The following SPECC1 variants were observed in gnomAD, a reference collection of about 807,000 sequenced individuals.
The protein encoded by SPECC1 is sperm antigen with calponin homology and coiled-coil domains 1.
SPECC1 carries 62 observed loss-of-function variants against 104.1 expected under a neutral mutation model. The ratio of observed to expected loss-of-function variants is 0.60; its 90% CI spans 0.49 to 0.74. The LOEUF is 0.74. Among genes scored for constraint, SPECC1 ranks in the 30% least tolerant of loss-of-function variants. The probability of loss-of-function intolerance (pLI) is 0.00; values close to 1 mark genes in which losing one functional copy is unlikely to be tolerated. For missense variants in SPECC1, 1,306 were observed against 1,310.5 expected (o/e 1.00, Z 0.05); for synonymous variants, 513 against 501.6 (o/e 1.02, Z -0.30).
intron 10 of SPECC1, among the ~76,000 whole-genome samples, chr17:20,255,223 G>T (rs1457039706): frequency 6.6e-6 from 1 of 152,158 alleles, no homozygotes; most frequent in Non-Finnish European, 1.5e-5. Flanking sequence ...AAGAGTGTAA[G>T]AACAAACAGA....
At chr17:20,306,272 C>T in intron 14 of SPECC1, 190 bp downstream of exon 14, 1 of 515,340 alleles carries the variant, frequency 1.9e-6, no homozygotes, top group East Asian at 3.1e-5. Flanking sequence ...TTTTCAATCG[C>T]ATAAGATTTC....
At chr17:20,020,487 C>G (rs2044330943) in intron 1 of SPECC1, among the ~76,000 whole-genome samples, 1 of 152,136 alleles carries the variant, frequency 6.6e-6, no homozygotes, top group African/African-American at 2.4e-5. Flanking sequence ...GCATGTGCCA[C>G]CACACCTGGG....
chr17:20,139,012 C>T (rs1427537901), intron 3 of SPECC1, among the ~76,000 whole-genome samples: 5 of 152,178 alleles, frequency 3.3e-5, no homozygotes, highest in Non-Finnish European at 7.3e-5. Context: ...AATTCAGAGA[C>T]AAGCATGTTG....
chr17:20,034,533 A>G (rs977479654), intron 1 of SPECC1, among the ~76,000 whole-genome samples: 2 of 151,730 alleles, frequency 1.3e-5, no homozygotes, highest in African/African-American at 2.4e-5. Flanking sequence ...GACTGGCCTT[A>G]TAGATCTTAG....
At chr17:20,299,194 C>G (rs138195209) in intron 13 of SPECC1, among the ~76,000 whole-genome samples, 145 of 151,808 alleles carry the variant, frequency 9.6e-4, no homozygotes, top group African/African-American at 2.6e-3. Context: ...AGGCCTTCAC[C>G]TGATTAGATG....
intron 2 of SPECC1, among the ~76,000 whole-genome samples, chr17:20,105,585 A>T (rs2048159008): frequency 6.6e-6 from 1 of 151,486 alleles, no homozygotes; most frequent in Non-Finnish European, 1.5e-5. Flanking sequence ...CTTACTGCTG[A>T]CTCCTCACCA....
chr17:20,058,533 C>T (rs955941905), intron 1 of SPECC1, among the ~76,000 whole-genome samples: 1 of 152,026 alleles, frequency 6.6e-6, no homozygotes. Context: ...GTGGTGCGTG[C>T]CTGTAGTCCC....
chr17:20,239,374 A>G, intron 7 of SPECC1: 1 of 724,502 alleles, frequency 1.4e-6, no homozygotes. Flanking sequence ...ACTCATGAAT[A>G]TGTATAGGGT....
At chr17:20,092,562 T>A (rs2047448666) in intron 1 of SPECC1, among the ~76,000 whole-genome samples, 1 of 152,212 alleles carries the variant, frequency 6.6e-6, no homozygotes, top group Non-Finnish European at 1.5e-5. Context: ...TAGAAGAGTG[T>A]GTTCCTTGGA....
At chr17:20,265,446 A>G (rs2040186795) in intron 12 of SPECC1, among the ~76,000 whole-genome samples, 1 of 151,914 alleles carries the variant, frequency 6.6e-6, no homozygotes, top group Non-Finnish European at 1.5e-5. Flanking sequence ...CCTATTTTTT[A>G]ATGGGGTTAT....
intron 3 of SPECC1, among the ~76,000 whole-genome samples, chr17:20,126,225 C>G (rs556168693): frequency 6.6e-6 from 1 of 152,200 alleles, no homozygotes; most frequent in East Asian, 1.9e-4. Context: ...TCCTCCTTTC[C>G]TTTTTGTTGA....
chr17:20,026,761 T>A lies in SPECC1; in HGVS notation c.-22+17337T>A, dbSNP rs151229966. On this transcript the variant is annotated intron_variant, in intron 1 of 14. Coordinates refer to ENST00000395527, the MANE Select transcript of SPECC1 (RefSeq NM_001243439.2). ...CAATTAACATGAGAGTGCATATATT[T>A]CTTCAGTATACTGACTTCTTTCCTT... is the stretch of plus-strand genomic sequence containing the variant. Among the ~76,000 whole-genome samples, 412 of 152,328 alleles carry A rather than the reference T, an allele frequency of 2.7e-3. 13 individuals carry two copies. In the East Asian group the frequency reaches 0.067, roughly 25 times the overall value.
At chr17:20,020,877 G>A (rs2044348052) in intron 1 of SPECC1, among the ~76,000 whole-genome samples, 1 of 152,146 alleles carries the variant, frequency 6.6e-6, no homozygotes, top group African/African-American at 2.4e-5. Context: ...CAATGAGGGG[G>A]TCAGGGGAAC....
intron 1 of SPECC1, among the ~76,000 whole-genome samples, chr17:20,022,808 T>C (rs1163458757): frequency 1.3e-5 from 2 of 152,154 alleles, no homozygotes; most frequent in Non-Finnish European, 1.5e-5. Flanking sequence ...TAAACAAGCA[T>C]GGTGATGATG....
At chr17:20,247,401 CGTGTGTGTATGT>C (rs983058208) in intron 9 of SPECC1, 82 bp downstream of exon 9, 1 of 942,288 alleles carries the variant, frequency 1.1e-6, no homozygotes, top group Non-Finnish European at 1.7e-6. Flanking sequence ...TATTAGTGTC[CGTGTGTGTATGT>C]GTGTGTGTAG....
At chr17:20,243,651 T>A (rs2039299283) in intron 7 of SPECC1, among the ~76,000 whole-genome samples, 1 of 152,172 alleles carries the variant, frequency 6.6e-6, no homozygotes, top group Admixed American at 6.5e-5. Flanking sequence ...TCATACTGAC[T>A]CTTATTGTTC....
rs118047268 is a variant in SPECC1 at position 20,098,311 on chromosome 17, A to G, written c.147+1513A>G. ...CTCCTTTTCTCATGTCTCACAGTCC[A>G]TCAGTGAAATGCCATCACTTCTACC... On this transcript the variant is annotated intron_variant, in intron 2 of 14. Transcript: ENST00000395527. Among the ~76,000 whole-genome samples the G allele has an allele frequency of 2.6e-3, 403 of 152,230 alleles. 15 individuals carry two copies. In the East Asian group the frequency reaches 0.074, roughly 28 times the overall value.
At chr17:20,281,672 C>T (rs977101032) in intron 12 of SPECC1, among the ~76,000 whole-genome samples, 10 of 152,190 alleles carry the variant, frequency 6.6e-5, no homozygotes, top group Non-Finnish European at 1.2e-4. Context: ...GGCTGCTAGT[C>T]CACTGAGCCT....
intron 12 of SPECC1, among the ~76,000 whole-genome samples, chr17:20,288,709 G>C (rs994391016): frequency 6.6e-6 from 1 of 150,846 alleles, no homozygotes; most frequent in African/African-American, 2.4e-5. Flanking sequence ...AGGATTAATT[G>C]GACTTACAGT....
Sources: allele counts gnomAD v4.1 joint callset (sites outside exome capture counted in the v4.1 genomes callset), GRCh38; gene constraint gnomAD v4.1.1; transcripts MANE v1.5; gene names NCBI Gene and HGNC (gene_info 2026-07-23, HGNC 2026-07-21).